The following CYSTM1 variants were observed in gnomAD, a reference collection of about 807,000 sequenced individuals.
CYSTM1 encodes the protein cysteine-rich transmembrane module-containing protein 1.
A neutral mutation model predicts 13.1 loss-of-function variants in CYSTM1; 4 were observed. The observed-to-expected ratio is 0.31, with a 90% CI of 0.15 to 0.70. The LOEUF is 0.70. Ranked by LOEUF, CYSTM1 falls within the 30% of genes least tolerant of loss-of-function variation. CYSTM1 has a pLI of 0.72. For missense variants in CYSTM1, 96 were observed against 121.6 expected (o/e 0.79, Z 0.99); for synonymous variants, 36 against 42.7 (o/e 0.84, Z 0.62).
chr5:140,176,170 T>A (rs867498699), intron 1 of CYSTM1, among the ~76,000 whole-genome samples: 2 of 151,976 alleles, frequency 1.3e-5, no homozygotes, highest in Middle Eastern at 3.4e-3. Context: ...TTGGCTAGAT[T>A]GGGGTAGGGG....
In CYSTM1 at chr5:140,186,896, C is replaced by T. The variant is rs188675227; in HGVS notation, c.-20-7550C>T. Among the ~76,000 whole-genome samples, 26 of 152,234 alleles carry T rather than the reference C, an allele frequency of 1.7e-4. No homozygotes were observed. The East Asian group carries it at 1.9e-3, about 11-fold the overall frequency. Reference sequence around the variant, plus strand: ...ATCCCAGCACTTTGGGAGGCTGAGGCGGGCAGATTGCCTGAGGTCAGGAGC... The same window carrying T: ...ATCCCAGCACTTTGGGAGGCTGAGGTGGGCAGATTGCCTGAGGTCAGGAGC... On this transcript the variant is annotated intron_variant, in intron 1 of 2. Transcript: ENST00000261811.
At chr5:140,224,684 C>G (rs1405851282) in intron 2 of CYSTM1, among the ~76,000 whole-genome samples, 3 of 152,052 alleles carry the variant, frequency 2.0e-5, no homozygotes, top group Non-Finnish European at 4.4e-5. Context: ...CCACACTCAG[C>G]TACTTAAAAA....
At chr5:140,241,901 G>T (rs867855567) in intron 2 of CYSTM1, among the ~76,000 whole-genome samples, 12 of 152,214 alleles carry the variant, frequency 7.9e-5, no homozygotes, top group Non-Finnish European at 4.4e-5. Context: ...AGCCTGGCTT[G>T]CCAGAGGCTT....
At chr5:140,232,447 A>G (rs145012341) in intron 2 of CYSTM1, among the ~76,000 whole-genome samples, 392 of 152,314 alleles carry the variant, frequency 2.6e-3, no homozygotes, top group African/African-American at 8.9e-3. Flanking sequence ...TTCTGGATGG[A>G]TCTGCAAAGG....
At chr5:140,179,510 A>T (rs1763938147) in intron 1 of CYSTM1, among the ~76,000 whole-genome samples, 2 of 150,170 alleles carry the variant, frequency 1.3e-5, no homozygotes, top group African/African-American at 4.9e-5. Flanking sequence ...CAATGAGCCA[A>T]GATTGTGCCA....
At chr5:140,187,264 T>G (rs1764028988) in intron 1 of CYSTM1, among the ~76,000 whole-genome samples, 1 of 151,420 alleles carries the variant, frequency 6.6e-6, no homozygotes, top group South Asian at 2.1e-4. Flanking sequence ...AGTGGTCTAT[T>G]TACAAAGGTT....
rs1237040253 is a variant in CYSTM1, at chr5:140,239,121, C to A, written c.188-4184C>A. ...GGGTTGGGACTGGTACAGACACTTG[C>A]AAAAACAAGAAGGACCTAATAAGGC... On this transcript the variant is annotated intron_variant, in intron 2 of 2. Transcript: ENST00000261811. This position sits in a 1 kb window ranked among gnomAD's most constrained non-coding sequence, Gnocchi z 5.4. Among the ~76,000 whole-genome samples, 1 of 152,128 alleles carries A rather than the reference C, an allele frequency of 6.6e-6. No homozygotes were observed. Among genetic ancestry groups the A allele is most frequent in the African/African-American group, 2.4e-5 (1 of 41,428 alleles).
chr5:140,197,702 C>T (rs1764173869), intron 2 of CYSTM1, among the ~76,000 whole-genome samples: 1 of 152,146 alleles, frequency 6.6e-6, no homozygotes, highest in South Asian at 2.1e-4. Flanking sequence ...TTTTTCTTTC[C>T]AGCTGAATGA....
intron 1 of CYSTM1, among the ~76,000 whole-genome samples, chr5:140,176,663 TAAGAGATTTAATAGGGGGAAGTTATTA>T (rs1763889602): frequency 6.6e-6 from 1 of 152,104 alleles, no homozygotes; most frequent in African/African-American, 2.4e-5. Flanking sequence ...AAATGACTGG[TAAGAGATTTAATAGGGGGAAGTTATTA>T]AAGGAGAACC....
chr5:140,208,086 C>A (rs1320276784), intron 2 of CYSTM1, among the ~76,000 whole-genome samples: 1 of 152,190 alleles, frequency 6.6e-6, no homozygotes, highest in Non-Finnish European at 1.5e-5. Context: ...AATCCCACTG[C>A]TGAGTATTTA....
rs181697858 is a variant in CYSTM1 at position 140,206,562 on chromosome 5, G to A, written c.187+11910G>A. ...AGAATCCTGGGAGTATTGAGCTGCT[G>A]CTTCCTGAATTGCTGACATGTGTCA... On this transcript the variant is annotated intron_variant, in intron 2 of 2. Coordinates refer to ENST00000261811, the MANE Select transcript of CYSTM1 (RefSeq NM_032412.4). Among the ~76,000 whole-genome samples, 4 of 152,216 alleles carry A rather than the reference G, an allele frequency of 2.6e-5. No homozygotes were observed. In the East Asian group the frequency reaches 7.7e-4, roughly 29 times the overall value.
intron 2 of CYSTM1, among the ~76,000 whole-genome samples, chr5:140,210,251 C>G (rs1452407678): frequency 6.6e-6 from 1 of 152,144 alleles, no homozygotes; most frequent in Non-Finnish European, 1.5e-5. Flanking sequence ...TTGTCATACG[C>G]AACTTTTCTA....
intron 2 of CYSTM1, among the ~76,000 whole-genome samples, chr5:140,208,806 G>A (rs532598904): frequency 3.3e-5 from 5 of 152,242 alleles, no homozygotes; most frequent in South Asian, 2.1e-4. Flanking sequence ...TTGGGAGGCC[G>A]AGGCAGGCGG....
chr5:140,176,546 C>T (rs1763887390), intron 1 of CYSTM1, among the ~76,000 whole-genome samples: 1 of 152,072 alleles, frequency 6.6e-6, no homozygotes, highest in African/African-American at 2.4e-5. Flanking sequence ...GGGAGCTATG[C>T]CCCCCTCAGT....
intron 1 of CYSTM1, among the ~76,000 whole-genome samples, chr5:140,178,441 CT>C (rs577709524): frequency 0.18 from 9,595 of 52,668 alleles, 395 homozygotes; most frequent in East Asian, 0.31. Flanking sequence ...CAAGTCCTTC[CT>C]TTTTTTTTTT....
chr5:140,229,065 G>T (rs1383342038), intron 2 of CYSTM1: 1 of 369,832 alleles, frequency 2.7e-6, no homozygotes, highest in Non-Finnish European at 4.8e-6. Flanking sequence ...TACATATCTT[G>T]TGAATTGATT....
At chr5:140,234,307 A>G (rs535280755) in intron 2 of CYSTM1, among the ~76,000 whole-genome samples, 14 of 152,196 alleles carry the variant, frequency 9.2e-5, no homozygotes, top group South Asian at 8.3e-4. Flanking sequence ...CCTTTGATCT[A>G]TGTGTCTGTT....
chr5:140,226,586 T>TTTTATATATATATATATATATATA (rs754744617), intron 2 of CYSTM1, among the ~76,000 whole-genome samples: 1 of 75,278 alleles, frequency 1.3e-5, no homozygotes, highest in African/African-American at 4.9e-5. Flanking sequence ...ATACTAAATA[T>TTTTATATATATATATATATATATA]TATATATATA....
chr5:140,228,407 T>C (rs1581071740), intron 2 of CYSTM1, among the ~76,000 whole-genome samples: 2 of 152,160 alleles, frequency 1.3e-5, no homozygotes, highest in African/African-American at 4.8e-5. Context: ...GGGGTGGGGC[T>C]CAGGGCAAGG....
Sources: gnomAD v4.1 joint callset for allele counts (sites outside exome capture counted in the v4.1 genomes callset) on GRCh38, gnomAD v4.1.1 for gene constraint, Gnocchi (gnomAD v3.1) non-coding constraint, MANE v1.5 for transcripts, NCBI Gene and HGNC (gene_info 2026-07-23, HGNC 2026-07-21) for gene names.